Variants in ZNF652 observed in about 807,000 individuals in gnomAD.
ZNF652 encodes zinc finger protein 652.
In ZNF652, 16 loss-of-function variants were observed where a neutral mutation model predicts 45.2. The ratio of observed to expected loss-of-function variants is 0.35; its 90% CI spans 0.24 to 0.54. The LOEUF (loss-of-function observed/expected upper bound fraction) is 0.54. Ranked by LOEUF, ZNF652 falls within the 20% of genes least tolerant of loss-of-function variation. ZNF652 has a pLI of 0.91. For missense variants in ZNF652, 614 were observed against 765.6 expected (o/e 0.80, Z 2.34); for synonymous variants, 250 against 260.6 (o/e 0.96, Z 0.39).
intron 1 of ZNF652, among the ~76,000 whole-genome samples, chr17:49,323,162 G>C (rs12150444): frequency 0.069 from 10,492 of 152,224 alleles, 503 homozygotes; most frequent in Non-Finnish European, 0.11. Flanking sequence ...TTCAAAATTG[G>C]AGTCAATCCT....
intron 1 of ZNF652, among the ~76,000 whole-genome samples, chr17:49,351,579 A>C (rs2070283162): frequency 6.6e-6 from 1 of 152,186 alleles, no homozygotes; most frequent in African/African-American, 2.4e-5. Context: ...AACCACGGAC[A>C]TACATATATA....
intron 1 of ZNF652, among the ~76,000 whole-genome samples, chr17:49,328,372 A>G (rs1164039360): frequency 7.9e-5 from 12 of 151,994 alleles, no homozygotes; most frequent in Non-Finnish European, 1.8e-4. Context: ...TTTTTTACCT[A>G]CTTATGCATG....
chr17:49,349,239 T>G (rs2070244446), intron 1 of ZNF652, among the ~76,000 whole-genome samples: 1 of 152,146 alleles, frequency 6.6e-6, no homozygotes, highest in Non-Finnish European at 1.5e-5. Context: ...CTGGCCAATA[T>G]GGTGAAACTT....
At chr17:49,352,242 A>T (rs2070290305) in intron 1 of ZNF652, among the ~76,000 whole-genome samples, 3 of 147,428 alleles carry the variant, frequency 2.0e-5, no homozygotes, top group African/African-American at 5.0e-5. Context: ...CAGTCAATAT[A>T]TTTTTTTTTT....
intron 1 of ZNF652, among the ~76,000 whole-genome samples, chr17:49,342,795 G>T (rs2070163553): frequency 6.6e-6 from 1 of 152,052 alleles, no homozygotes. Flanking sequence ...TTAGCTATTT[G>T]CTCACTGGCA....
Position 49,290,286 on chromosome 17 carries a change from T to C in ZNF652, c.*8127A>G, listed in dbSNP as rs2069387249. Reference sequence around the variant, plus strand: ...CCTTCCCAGGTTGATTACTGACCTGTTTGTTGTGAAGATGCTGCTGCAATA... The same window carrying C: ...CCTTCCCAGGTTGATTACTGACCTGCTTGTTGTGAAGATGCTGCTGCAATA... On this transcript the variant is annotated 3_prime_UTR_variant, in exon 6 of 6. Transcript: ENST00000430262. 6.6e-6 allele frequency: 1 copy of C among 152,196 alleles called. No individual in the cohort carries two copies. Among genetic ancestry groups the C allele is most frequent in the South Asian group, 2.1e-4 (1 of 4,826 alleles). The allele number at this position is 152,196 out of a possible 1,614,324, so 9.4% of individuals were successfully genotyped here.
At chr17:49,350,803 C>T (rs4471729) in intron 1 of ZNF652, among the ~76,000 whole-genome samples, 5,330 of 151,130 alleles carry the variant, frequency 0.035, 210 homozygotes, top group East Asian at 0.086. Flanking sequence ...AACCCCATCT[C>T]TACTAAAAAT....
intron 1 of ZNF652, among the ~76,000 whole-genome samples, chr17:49,332,692 G>C (rs1298923805): frequency 6.6e-6 from 1 of 152,098 alleles, no homozygotes; most frequent in South Asian, 2.1e-4. Flanking sequence ...TGTTGCTCAG[G>C]CTGGTCTCAA....
rs2069693407 is a variant in ZNF652 at position 49,310,401 on chromosome 17, A to G, written c.1309+911T>C. The stretch of plus-strand genomic sequence containing the variant: ...CCCAGAATATCAAGTTTAGACTGAG[A>G]TACAATGATAGTGTTTATGGGGGAG... On this transcript the variant is annotated intron_variant, in intron 5 of 5. Coordinates refer to ENST00000430262, the MANE Select transcript of ZNF652 (RefSeq NM_001145365.3). 2.6e-5 allele frequency among the ~76,000 whole-genome samples: 4 copies of G among 152,268 alleles called. No individual in the cohort carries two copies. In the South Asian group the frequency reaches 8.3e-4, roughly 31 times the overall value.
In ZNF652 at chr17:49,316,944, T is replaced by C; in HGVS notation, c.782A>G (p.Glu261Gly). 1 of 1,614,204 alleles carries C rather than the reference T, an allele frequency of 6.2e-7. No homozygotes were observed. ...PRVFNTRWYL[E>G]KHMNVTHRRM... is the part of the protein sequence containing the mutation. ...CCTATGAGTAACGTTCATGTGCTTCTCCAGGTACCAGCGAGTGTTAAATAC... is the reference window on the plus strand; with the variant it reads ...CCTATGAGTAACGTTCATGTGCTTCCCCAGGTACCAGCGAGTGTTAAATAC... The change falls in exon 2 of 6, where the codon GAG becomes GGG. Residue 261 changes from glutamate (E) to glycine (G), a missense_variant. By Grantham distance (98) the Glu-to-Gly change is moderately conservative. This residue lies in a region of ZNF652 where 262 missense variants were observed against 306.3 expected (regional missense o/e 0.86). Coordinates refer to ENST00000430262, the MANE Select transcript of ZNF652 (RefSeq NM_001145365.3).
At chr17:49,350,307 G>A (rs1179814835) in intron 1 of ZNF652, among the ~76,000 whole-genome samples, 1 of 152,142 alleles carries the variant, frequency 6.6e-6, no homozygotes, top group Non-Finnish European at 1.5e-5. Context: ...GGGAGGCCAA[G>A]GCGGGCAGAT....
chr17:49,347,116 G>T (rs2070212855), intron 1 of ZNF652, among the ~76,000 whole-genome samples: 1 of 152,184 alleles, frequency 6.6e-6, no homozygotes, highest in Non-Finnish European at 1.5e-5. Context: ...CACCTTTAGA[G>T]GATGCTAAGA....
rs1181913012 is a variant in ZNF652 at position 49,296,217 on chromosome 17, T to TA, written c.*2195dup. The TA allele has an allele frequency of 1.3e-5, 2 of 152,498 alleles. No homozygotes were observed. The highest frequency in any genetic ancestry group is 1.3e-4 in the Admixed American group (2 of 15,262). 9.4% of individuals were successfully genotyped at this position (152,498 alleles called of 1,614,324 possible). ...GTGCTCAAAGAATGTGTACAAATATTAAAAATACCATTCTTTAAAACTTAC... is the reference window on the plus strand; with the variant it reads ...GTGCTCAAAGAATGTGTACAAATATTAAAAAATACCATTCTTTAAAACTTAC... On this transcript the variant is annotated 3_prime_UTR_variant, in exon 6 of 6. Coordinates refer to ENST00000430262, the MANE Select transcript of ZNF652 (RefSeq NM_001145365.3).
At chr17:49,309,071 G>C (rs2069671791) in intron 5 of ZNF652, among the ~76,000 whole-genome samples, 1 of 152,094 alleles carries the variant, frequency 6.6e-6, no homozygotes, top group Admixed American at 6.6e-5. Flanking sequence ...GACAGGCAGA[G>C]AAGATAAGGG....
At chr17:49,334,615 C>T (rs2070060718) in intron 1 of ZNF652, among the ~76,000 whole-genome samples, 1 of 151,994 alleles carries the variant, frequency 6.6e-6, no homozygotes, top group Non-Finnish European at 1.5e-5. Flanking sequence ...CCCATCTCTA[C>T]CAAAAATACA....
intron 1 of ZNF652, among the ~76,000 whole-genome samples, chr17:49,351,056 T>A (rs573447023): frequency 9.4e-5 from 13 of 138,120 alleles, no homozygotes; most frequent in African/African-American, 3.5e-4. Context: ...CACACACACA[T>A]ATTTTTATAT....
At chr17:49,338,906 G>T (rs1392491761) in intron 1 of ZNF652, among the ~76,000 whole-genome samples, 1 of 152,094 alleles carries the variant, frequency 6.6e-6, no homozygotes, top group South Asian at 2.1e-4. Context: ...GAAGCCAAGA[G>T]ATTAAAAAAG....
At chr17:49,344,139 T>C (rs866849030) in intron 1 of ZNF652, among the ~76,000 whole-genome samples, 12 of 151,988 alleles carry the variant, frequency 7.9e-5, no homozygotes, top group Admixed American at 2.0e-4. Context: ...AGGCGGAGCT[T>C]GCAGTGAGCC....
intron 1 of ZNF652, among the ~76,000 whole-genome samples, chr17:49,332,413 G>C (rs1449898007): frequency 1.3e-5 from 2 of 152,134 alleles, no homozygotes; most frequent in Non-Finnish European, 2.9e-5. Context: ...AACAGAAAAA[G>C]ACAAATTGCT....
Sources: gnomAD v4.1 joint callset for allele counts (sites outside exome capture counted in the v4.1 genomes callset) on GRCh38, gnomAD v4.1.1 for gene constraint, gnomAD v4.1.1 regional missense constraint, MANE v1.5 for transcripts, NCBI Gene and HGNC (gene_info 2026-07-23, HGNC 2026-07-21) for gene names.